WTIP: variants seen among roughly 807,000 people sequenced by gnomAD.
The protein encoded by WTIP is Wilms tumor protein 1-interacting protein.
A neutral mutation model predicts 41.7 loss-of-function variants in WTIP; 23 were observed. That is an observed-to-expected ratio of 0.55 (90% CI 0.40 to 0.78). The LOEUF (loss-of-function observed/expected upper bound fraction) is 0.78, where lower values mean the gene tolerates loss of function less well. Ranked by LOEUF, WTIP falls within the 30% of genes least tolerant of loss-of-function variation. The pLI is 0.00. For synonymous variants in WTIP, 314 were observed against 269.9 expected (o/e 1.16, Z -1.60); for missense variants, 619 against 610.5 (o/e 1.01, Z -0.15).
Position 34,511,834 on chromosome 19 carries a change from C to G in WTIP, c.*11565C>G, listed in dbSNP as rs2075934126. ...CTGTGAATGTCCTTTTCCCAGTTTA[C>G]TAGTTTGGGATTGAATATTCTTACA... On this transcript the variant is annotated 3_prime_UTR_variant, in exon 8 of 8. Transcript: ENST00000590071. The G allele has an allele frequency of 6.6e-6, 1 of 152,112 alleles. No homozygotes were observed. The highest frequency in any genetic ancestry group is 2.1e-4 in the South Asian group (1 of 4,820). 9.4% of individuals were successfully genotyped at this position (152,112 alleles called of 1,614,324 possible).
rs1029403458 is a variant in WTIP at position 34,482,731 on chromosome 19, GGA to G, written c.667+94_667+95del. 1.7e-5 allele frequency: 21 copies of G among 1,203,030 alleles called. No homozygotes were observed. The African/African-American group carries it at 3.3e-4, about 19-fold the overall frequency. 74.5% of individuals were successfully genotyped at this position (1,203,030 alleles called of 1,614,324 possible). ...TCGGGTAGGCGGCCGGATCAGCGGA[GGA>G]GAGCACGGGGCTGGCTGGGGGTGCA... On this transcript the variant is annotated intron_variant, in intron 1 of 7. Transcript: ENST00000590071.
chr19:34,491,172 A>C (rs1037133103), intron 2 of WTIP, among the ~76,000 whole-genome samples: 2 of 152,146 alleles, frequency 1.3e-5, no homozygotes, highest in South Asian at 4.1e-4. Context: ...CATAAACTAT[A>C]AGTGTTATAG....
Position 34,505,806 on chromosome 19 carries a change from C to G in WTIP, c.*5537C>G, listed in dbSNP as rs1470018101. ...CCTGCTGAGGAAGGGTTAGGGTGGG[C>G]TGCAGGCTGGAGGCCAGGGAGAGGC... On this transcript the variant is annotated 3_prime_UTR_variant, in exon 8 of 8. Transcript: ENST00000590071. 1 of 152,544 alleles carries G rather than the reference C, an allele frequency of 6.6e-6. No homozygotes were observed. Among genetic ancestry groups the G allele is most frequent in the Non-Finnish European group, 1.5e-5 (1 of 68,308 alleles). 9.4% of individuals were successfully genotyped at this position (152,544 alleles called of 1,614,324 possible). A position where few individuals can be genotyped will look rare whatever the true frequency, so the allele number is the denominator to read the frequency against.
In WTIP at chr19:34,503,685, G is replaced by A. The variant is rs2145615594; in HGVS notation, c.*3416G>A. The stretch of plus-strand genomic sequence containing the variant: ...GCCATCCCTGTCCCCGCTATGCGGT[G>A]AGCTCTTCAGCTTGGGCCCGCCTGG... On this transcript the variant is annotated 3_prime_UTR_variant, in exon 8 of 8. Coordinates refer to ENST00000590071, the MANE Select transcript of WTIP (RefSeq NM_001080436.2). 6.5e-6 allele frequency: 1 copy of A among 152,774 alleles called. No individual in the cohort carries two copies. The allele number at this position is 152,774 out of a possible 1,614,324, so 9.5% of individuals were successfully genotyped here.
intron 1 of WTIP, 23 bp from the exon 2 acceptor site, chr19:34,490,353 C>A: frequency 6.2e-7 from 1 of 1,611,916 alleles, no homozygotes. Flanking sequence ...AACCCCTGCT[C>A]TCTCCTGCCT....
At position 34,511,383 on chromosome 19, in the gene WTIP, C is replaced by T. The variant is rs2075932474; in HGVS notation, c.*11114C>T. 1.3e-5 allele frequency: 2 copies of T among 152,078 alleles called. No individual in the cohort carries two copies. Among genetic ancestry groups the T allele is most frequent in the Admixed American group, 6.5e-5 (1 of 15,270 alleles). The allele number at this position is 152,078 out of a possible 1,614,324, so 9.4% of individuals were successfully genotyped here. On this transcript the variant is annotated 3_prime_UTR_variant, in exon 8 of 8. Coordinates refer to ENST00000590071, the MANE Select transcript of WTIP (RefSeq NM_001080436.2). ...AAAATATTTCCCATTGGGTCCCTCC[C>T]ACAACACGTGAGAATTATGGGAGTA...
Position 34,504,553 on chromosome 19 carries a change from A to G in WTIP, c.*4284A>G, listed in dbSNP as rs2075903419. 10 of 152,188 alleles carry G rather than the reference A, an allele frequency of 6.6e-5. No homozygotes were observed. Among genetic ancestry groups the G allele is most frequent in the Admixed American group, 6.5e-4 (10 of 15,280 alleles). The allele number at this position is 152,188 out of a possible 1,614,324, so 9.4% of individuals were successfully genotyped here. On this transcript the variant is annotated 3_prime_UTR_variant, in exon 8 of 8. Coordinates refer to ENST00000590071, the MANE Select transcript of WTIP (RefSeq NM_001080436.2). ...CCCTGCCCCTGTTGGGGTGGGAAGC[A>G]CAGATGTCAGCTTGCTGAGCTGCAG...
chr19:34,500,519 C>G lies in WTIP; in HGVS notation c.*250C>G, dbSNP rs1454789718. On this transcript the variant is annotated 3_prime_UTR_variant, in exon 8 of 8. Coordinates refer to ENST00000590071, the MANE Select transcript of WTIP (RefSeq NM_001080436.2). Reference sequence around the variant, plus strand: ...TTTCCACTTGGAGGCCCCCTGTGCCCTGCAGCCTCAGGGTAGGCCGTGGGT... The same window carrying G: ...TTTCCACTTGGAGGCCCCCTGTGCCGTGCAGCCTCAGGGTAGGCCGTGGGT... 1 of 507,450 alleles carries G rather than the reference C, an allele frequency of 2.0e-6. No individual in the cohort carries two copies. The highest frequency in any genetic ancestry group is 3.3e-5 in the East Asian group (1 of 30,164). The allele number at this position is 507,450 out of a possible 1,614,324, so 31.4% of individuals were successfully genotyped here.
At position 34,493,101 on chromosome 19, in the gene WTIP, C is replaced by T; in HGVS notation, c.834C>T (p.Phe278=). The part of the protein sequence containing the change: ...VGEKVYCQED[F]LYSGFQQTAD... Reference sequence around the variant, plus strand: ...AGAAAGTGTACTGCCAGGAGGACTTCCTGGTGAGTCCAAGCTGTGCCCTGG... The same window carrying T: ...AGAAAGTGTACTGCCAGGAGGACTTTCTGGTGAGTCCAAGCTGTGCCCTGG... Residue 278 remains phenylalanine (F), a synonymous_variant, in exon 3 of 8, where the codon TTC becomes TTT. Transcript: ENST00000590071. This position sits in a 1 kb window ranked among gnomAD's most constrained non-coding sequence, Gnocchi z 4.1. 1.9e-6 allele frequency: 3 copies of T among 1,613,914 alleles called. No homozygotes were observed. Among genetic ancestry groups the T allele is most frequent in the Non-Finnish European group, 1.7e-6 (2 of 1,179,876 alleles).
chr19:34,483,299 C>T (rs143521895), intron 1 of WTIP, among the ~76,000 whole-genome samples: 84 of 151,184 alleles, frequency 5.6e-4, no homozygotes, highest in African/African-American at 2.0e-3. Flanking sequence ...GCTAGGATTA[C>T]AGGCTTGAGC....
Position 34,493,535 on chromosome 19 carries a change from G to T in WTIP, c.944G>T (p.Arg315Leu). Residue 315 changes from arginine to leucine, a missense_variant, in exon 5 of 8, where the codon CGG (arginine) becomes CTG (leucine). Coordinates refer to ENST00000590071, the MANE Select transcript of WTIP (RefSeq NM_001080436.2). The surrounding 1 kb of genome is among the most constrained non-coding windows in gnomAD (Gnocchi z 4.1). ...LGKSYHPGCFRCSVCNECLDG... is the reference protein window; with the variant it reads ...LGKSYHPGCFLCSVCNECLDG... ...AAGTCCTACCACCCAGGCTGCTTCCGGTGCTCCGTGTGCAATGAGTGCCTG... is the reference window on the plus strand; with the variant it reads ...AAGTCCTACCACCCAGGCTGCTTCCTGTGCTCCGTGTGCAATGAGTGCCTG... The T allele has an allele frequency of 6.2e-7, 1 of 1,613,646 alleles. No individual in the cohort carries two copies. The highest frequency in any genetic ancestry group is 8.5e-7 in the Non-Finnish European group (1 of 1,179,862).
rs557558252 is a variant in WTIP, at chr19:34,507,884, G to C, written c.*7615G>C. 2.0e-5 allele frequency: 3 copies of C among 152,354 alleles called. No homozygotes were observed. The highest frequency in any genetic ancestry group is 4.1e-4 in the South Asian group (2 of 4,824). The allele number at this position is 152,354 out of a possible 1,614,324, so 9.4% of individuals were successfully genotyped here. On this transcript the variant is annotated 3_prime_UTR_variant, in exon 8 of 8. Coordinates refer to ENST00000590071, the MANE Select transcript of WTIP (RefSeq NM_001080436.2). ...CTGGTCCCACACATCTCCTGGAGCA[G>C]AGCCTGATTCCCAGCCTCTGTAGCT... is the stretch of plus-strand genomic sequence containing the variant.
In WTIP at chr19:34,500,506, G is replaced by A; in HGVS notation, c.*237G>A. 1 of 565,144 alleles carries A rather than the reference G, an allele frequency of 1.8e-6. No homozygotes were observed. The allele number at this position is 565,144 out of a possible 1,614,324, so 35.0% of individuals were successfully genotyped here. On this transcript the variant is annotated 3_prime_UTR_variant, in exon 8 of 8. Transcript: ENST00000590071. ...CCCCATCACCAGCTTTCCACTTGGA[G>A]GCCCCCTGTGCCCTGCAGCCTCAGG...
intron 7 of WTIP, 40 bp downstream of exon 7, chr19:34,495,811 C>G: frequency 6.2e-7 from 1 of 1,600,588 alleles, no homozygotes; most frequent in Non-Finnish European, 8.5e-7. Flanking sequence ...CTGGGGCAGG[C>G]CTCCTCCCAC....
At chr19:34,499,088 G>A (rs752192206) in intron 7 of WTIP, among the ~76,000 whole-genome samples, 1 of 152,114 alleles carries the variant, frequency 6.6e-6, no homozygotes, top group Non-Finnish European at 1.5e-5. Flanking sequence ...GGTGGCACAT[G>A]TCTGTAGTCC....
Position 34,500,368 on chromosome 19 carries a change from A to G in WTIP, c.*99A>G. On this transcript the variant is annotated 3_prime_UTR_variant, in exon 8 of 8. Coordinates refer to ENST00000590071, the MANE Select transcript of WTIP (RefSeq NM_001080436.2). ...AGCGTCAGGGGAGCTCCCTCCAATCAGTTTCCCACCGAGCTGCTGTCTGCA... is the reference window on the plus strand; with the variant it reads ...AGCGTCAGGGGAGCTCCCTCCAATCGGTTTCCCACCGAGCTGCTGTCTGCA... The G allele has an allele frequency of 1.4e-6, 2 of 1,385,530 alleles. No homozygotes were observed. Among genetic ancestry groups the G allele is most frequent in the Non-Finnish European group, 1.9e-6 (2 of 1,057,274 alleles). The allele number at this position is 1,385,530 out of a possible 1,614,324, so 85.8% of individuals were successfully genotyped here.
chr19:34,483,542 A>C (rs1408729098), intron 1 of WTIP, among the ~76,000 whole-genome samples: 1 of 152,086 alleles, frequency 6.6e-6, no homozygotes, highest in Non-Finnish European at 1.5e-5. Context: ...AGAAAAGCCC[A>C]CTTTGCGGGA....
At chr19:34,487,995 G>C (rs762102341) in intron 1 of WTIP, among the ~76,000 whole-genome samples, 2 of 152,180 alleles carry the variant, frequency 1.3e-5, no homozygotes, top group Non-Finnish European at 2.9e-5. Context: ...GCTGCATGCT[G>C]AGTACACAGG....
At chr19:34,498,042 G>C (rs999398147) in intron 7 of WTIP, among the ~76,000 whole-genome samples, 17 of 152,098 alleles carry the variant, frequency 1.1e-4, no homozygotes, top group African/African-American at 4.1e-4. Context: ...GGTGTGCAGC[G>C]GTCGGTAGCA....
Sources: allele counts gnomAD v4.1 joint callset (sites outside exome capture counted in the v4.1 genomes callset), GRCh38; gene constraint gnomAD v4.1.1; non-coding constraint Gnocchi (gnomAD v3.1); transcripts MANE v1.5; gene names NCBI Gene and HGNC (gene_info 2026-07-23, HGNC 2026-07-21).